The following PRUNE2 variants were observed in gnomAD, a reference collection of about 807,000 sequenced individuals.
PRUNE2 encodes protein prune homolog 2.
Under a neutral mutation model 252.0 loss-of-function variants are expected in PRUNE2, and 164 were observed. That is an observed-to-expected ratio of 0.65 (90% CI 0.57 to 0.74). PRUNE2 has a LOEUF of 0.74. Ranked by LOEUF, PRUNE2 falls within the 30% of genes least tolerant of loss-of-function variation. The pLI, the probability that PRUNE2 is intolerant of heterozygous loss-of-function variation, is 0.00. For missense variants in PRUNE2, 3,495 were observed against 3,711.0 expected (o/e 0.94, Z 1.51); for synonymous variants, 1,292 against 1,350.2 (o/e 0.96, Z 0.94).
intron 9 of PRUNE2, among the ~76,000 whole-genome samples, chr9:76,678,776 C>T (rs565385934): frequency 8.5e-5 from 13 of 152,198 alleles, no homozygotes; most frequent in East Asian, 3.9e-4. Context: ...TGCGGTGAGC[C>T]GAGATGGTGC....
rs746572223 is a variant in PRUNE2, at chr9:76,707,737, G to A, written c.4537C>T (p.Leu1513Phe). The change falls in exon 8 of 19, where the codon CTT becomes TTT. Residue 1513 changes from leucine to phenylalanine, a missense_variant. By Grantham distance (22) the Leu-to-Phe change is conservative (BLOSUM62 0). Coordinates refer to ENST00000376718, the MANE Select transcript of PRUNE2 (RefSeq NM_015225.3). Reference protein sequence around the residue: ...SSTCSEITKNLDVKGSENSLP... With the variant: ...SSTCSEITKNFDVKGSENSLP... The stretch of plus-strand genomic sequence containing the variant: ...CTATTTTCAGACCCCTTAACGTCAA[G>A]ATTTTTGGTTATCTCAGAACATGTG... 1.2e-6 allele frequency: 2 copies of A among 1,613,808 alleles called. No individual in the cohort carries two copies. Among genetic ancestry groups the A allele is most frequent in the African/African-American group, 1.3e-5 (1 of 75,034 alleles).
chr9:76,845,673 T>C (rs987292723), intron 4 of PRUNE2, among the ~76,000 whole-genome samples: 2 of 152,254 alleles, frequency 1.3e-5, no homozygotes, highest in Non-Finnish European at 2.9e-5. Context: ...ACTTTTGGTC[T>C]TCTTTTAGAA....
rs1387055334 is a variant in PRUNE2, at chr9:76,707,839, C to T, written c.4435G>A (p.Gly1479Arg). The T allele has an allele frequency of 6.2e-7, 1 of 1,613,644 alleles. No individual in the cohort carries two copies. Among genetic ancestry groups the T allele is most frequent in the Non-Finnish European group, 8.5e-7 (1 of 1,179,750 alleles). ...CGGGGAACTCTGTGAGGTGGCCCTC[C>T]ACCCACGTTCTCTGGCTCTAGAAAG... ...CNFLEPENVGGGPPHRVPRSL... is the reference protein window; with the variant it reads ...CNFLEPENVGRGPPHRVPRSL... The change falls in exon 8 of 19, where the codon GGA (glycine) becomes AGA (arginine). Residue 1479 changes from glycine to arginine, a missense_variant. Physicochemically the swap from Gly to Arg is moderately radical, Grantham distance 125. Coordinates refer to ENST00000376718, the MANE Select transcript of PRUNE2 (RefSeq NM_015225.3).
Position 76,717,687 on chromosome 9 carries a change from CA to C in PRUNE2, c.757-3967del, listed in dbSNP as rs368994741. ...CTGTTGAACTTACCACCCCCCCCAC[CA>C]GCCACACACACCTTCTGCATTTGTG... On this transcript the variant is annotated intron_variant, in intron 6 of 18. Coordinates refer to ENST00000376718, the MANE Select transcript of PRUNE2 (RefSeq NM_015225.3). 4.2e-3 allele frequency among the ~76,000 whole-genome samples: 643 copies of C among 152,126 alleles called. 7 individuals carry two copies. The highest frequency in any genetic ancestry group is 0.024 in the South Asian group (115 of 4,804).
Position 76,706,426 on chromosome 9 carries a change from T to A in PRUNE2, c.5848A>T (p.Thr1950Ser), listed in dbSNP as rs751745265. ...TGCTCTTGGGTAGGTGTTTCAGGAGTCAGCTCATCACCAGCAGCAGACACA... is the reference window on the plus strand; with the variant it reads ...TGCTCTTGGGTAGGTGTTTCAGGAGACAGCTCATCACCAGCAGCAGACACA... ...TFVSAAGDEL[T>S]PETPTQEQCQ... Residue 1950 changes from threonine to serine, a missense_variant, in exon 8 of 19, where the codon ACT (threonine) becomes TCT (serine). By Grantham distance (58) the Thr-to-Ser change is moderately conservative. Transcript: ENST00000376718. 1 of 1,613,862 alleles carries A rather than the reference T, an allele frequency of 6.2e-7. No individual in the cohort carries two copies. Among genetic ancestry groups the A allele is most frequent in the African/African-American group, 1.3e-5 (1 of 74,984 alleles).
chr9:76,649,629 G>A (rs1846500710), intron 11 of PRUNE2, among the ~76,000 whole-genome samples: 1 of 151,952 alleles, frequency 6.6e-6, no homozygotes, highest in Non-Finnish European at 1.5e-5. Flanking sequence ...TAGATAGATA[G>A]ATAGATAGAT....
chr9:76,807,757 AG>A (rs1199246354), intron 6 of PRUNE2, among the ~76,000 whole-genome samples: 18 of 152,224 alleles, frequency 1.2e-4, no homozygotes, highest in Non-Finnish European at 2.5e-4. Context: ...TTGCAGCTAG[AG>A]GGAGATTCCC....
At chr9:76,761,728 A>G (rs2130739984) in intron 6 of PRUNE2, among the ~76,000 whole-genome samples, 1 of 152,362 alleles carries the variant, frequency 6.6e-6, no homozygotes, top group East Asian at 1.9e-4. Flanking sequence ...TAATTTTAAA[A>G]TACTTCATTC....
At chr9:76,900,051 T>G (rs1274423850) in intron 1 of PRUNE2, among the ~76,000 whole-genome samples, 2 of 152,136 alleles carry the variant, frequency 1.3e-5, no homozygotes, top group Admixed American at 6.5e-5. Context: ...ATTGTGGTCA[T>G]CTGGGTGACT....
intron 1 of PRUNE2, among the ~76,000 whole-genome samples, chr9:76,887,115 A>C: frequency 6.6e-6 from 1 of 152,210 alleles, no homozygotes; most frequent in East Asian, 1.9e-4. Context: ...AGAATTTAAA[A>C]GATCTTCCAG....
At chr9:76,753,335 G>GT (rs1554747831) in intron 6 of PRUNE2, among the ~76,000 whole-genome samples, 34,104 of 152,052 alleles carry the variant, frequency 0.22, 5,002 homozygotes, top group East Asian at 0.49. Flanking sequence ...CCAAAAATAT[G>GT]TTTTAAGCAT....
intron 1 of PRUNE2, among the ~76,000 whole-genome samples, chr9:76,875,466 A>G (rs577835143): frequency 2.6e-5 from 4 of 152,210 alleles, no homozygotes; most frequent in Non-Finnish European, 1.5e-5. Context: ...CCCAGGTTCA[A>G]GTGATTCTCC....
chr9:76,804,144 C>T (rs1014289562), intron 6 of PRUNE2, among the ~76,000 whole-genome samples: 16 of 152,184 alleles, frequency 1.1e-4, no homozygotes, highest in African/African-American at 3.9e-4. Flanking sequence ...CTCAGGACAG[C>T]CACCTATTCT....
intron 4 of PRUNE2, among the ~76,000 whole-genome samples, chr9:76,829,006 C>T (rs1341229744): frequency 1.9e-5 from 2 of 106,804 alleles, no homozygotes; most frequent in East Asian, 5.7e-4. Context: ...GACAGAGTCT[C>T]ACTCTGTCTC....
At chr9:76,627,973 TTAA>T in intron 16 of PRUNE2, 2 of 201,836 alleles carry the variant, frequency 9.9e-6, no homozygotes, top group South Asian at 1.2e-4. Flanking sequence ...AATTAATTAA[TTAA>T]TTTTTTAAAG....
At chr9:76,743,749 A>C (rs1027463301) in intron 6 of PRUNE2, among the ~76,000 whole-genome samples, 5 of 152,234 alleles carry the variant, frequency 3.3e-5, no homozygotes, top group African/African-American at 1.2e-4. Context: ...CCATACTTCC[A>C]TATATTTATT....
intron 9 of PRUNE2, among the ~76,000 whole-genome samples, chr9:76,699,235 CTT>C (rs1303170437): frequency 2.0e-5 from 3 of 151,920 alleles, no homozygotes; most frequent in African/African-American, 7.3e-5. Flanking sequence ...CAGATAGTGA[CTT>C]TTAAAATTTT....
At chr9:76,726,127 A>G (rs2048083025) in intron 6 of PRUNE2, among the ~76,000 whole-genome samples, 1 of 152,234 alleles carries the variant, frequency 6.6e-6, no homozygotes, top group Non-Finnish European at 1.5e-5. Context: ...ATCTCTGTGT[A>G]GACCTTGCCA....
At chr9:76,834,130 A>G (rs1284132510) in intron 4 of PRUNE2, among the ~76,000 whole-genome samples, 1 of 151,946 alleles carries the variant, frequency 6.6e-6, no homozygotes, top group East Asian at 2.0e-4. Context: ...TGATCCGCCC[A>G]CCTCAGCCTC....
Sources: gnomAD v4.1 joint callset for allele counts (sites outside exome capture counted in the v4.1 genomes callset) on GRCh38, gnomAD v4.1.1 for gene constraint, MANE v1.5 for transcripts, NCBI Gene and HGNC (gene_info 2026-07-23, HGNC 2026-07-21) for gene names.